The following MGST2 variants were observed in gnomAD, a reference collection of about 807,000 sequenced individuals.
The protein encoded by MGST2 is microsomal glutathione S-transferase 2.
In MGST2, 9 loss-of-function variants were observed where a neutral mutation model predicts 16.6. The observed-to-expected ratio is 0.54, with a 90% CI of 0.33 to 0.95. The LOEUF is 0.95. MGST2 is among the 40% of genes least tolerant of loss of function. The pLI, the probability that MGST2 is intolerant of heterozygous loss-of-function variation, is 0.03. For synonymous variants in MGST2, 79 were observed against 68.0 expected, an observed-to-expected ratio of 1.16 and a Z score of -0.79; for missense variants, 159 against 175.1, an observed-to-expected ratio of 0.91 and a Z score of 0.52.
chr4:139,749,928 T>C, the MGST2 span, among the ~76,000 whole-genome samples: 1 of 144,250 alleles, frequency 6.9e-6, no homozygotes, highest in Non-Finnish European at 1.5e-5. Context: ...TTCATGTTAT[T>C]TGAAATCAAC....
At chr4:139,744,427 T>C (rs1356098001), downstream of MGST2, among the ~76,000 whole-genome samples, 1 of 151,960 alleles carries the variant, frequency 6.6e-6, no homozygotes, top group Non-Finnish European at 1.5e-5. Flanking sequence ...GGAGCATGGG[T>C]TGTGGTTATA....
intron 5 of MGST2, among the ~76,000 whole-genome samples, chr4:139,732,630 CTT>C (rs1385171966): frequency 3.0e-4 from 45 of 149,006 alleles, no homozygotes; most frequent in African/African-American, 1.1e-3. Context: ...AAAAATGTAA[CTT>C]AAAATTAAAA....
the MGST2 span, among the ~76,000 whole-genome samples, chr4:139,750,450 A>G: frequency 7.2e-5 from 11 of 152,212 alleles, no homozygotes; most frequent in Non-Finnish European, 1.3e-4. Context: ...GGACTCTAGA[A>G]ATGGCCTTTG....
intron 5 of MGST2, among the ~76,000 whole-genome samples, chr4:139,709,276 G>T (rs1045460656): frequency 4.6e-5 from 7 of 151,714 alleles, no homozygotes; most frequent in African/African-American, 1.7e-4. Context: ...GTAGAGACTG[G>T]GTTTCACCGT....
chr4:139,704,359 TAG>T (rs1254817723), downstream of MGST2: 1 of 590,598 alleles, frequency 1.7e-6, no homozygotes, highest in African/African-American at 1.9e-5. Context: ...TGTTGTGCCC[TAG>T]TTTTAGAAAT....
chr4:139,711,483 G>A (rs1727739821), intron 5 of MGST2, among the ~76,000 whole-genome samples: 1 of 152,156 alleles, frequency 6.6e-6, no homozygotes, highest in Non-Finnish European at 1.5e-5. Flanking sequence ...GATTATTCAT[G>A]TCTCTCCTTT....
chr4:139,744,481 A>G (rs1025009563), downstream of MGST2, among the ~76,000 whole-genome samples: 4 of 152,244 alleles, frequency 2.6e-5, no homozygotes, highest in Non-Finnish European at 5.9e-5. Context: ...TGCATGGCTA[A>G]CATGCAAATA....
intron 5 of MGST2, among the ~76,000 whole-genome samples, chr4:139,726,582 GGATGC>G (rs1436765184): frequency 6.6e-6 from 1 of 151,056 alleles, no homozygotes; most frequent in Non-Finnish European, 1.5e-5. Flanking sequence ...TGACCTAAGT[GGATGC>G]TTTGGGCATA....
intron 1 of MGST2, among the ~76,000 whole-genome samples, chr4:139,675,530 G>T (rs1365554255): frequency 6.6e-6 from 1 of 152,234 alleles, no homozygotes; most frequent in Non-Finnish European, 1.5e-5. Context: ...CGGCAGGTAG[G>T]AGCCATCATC....
downstream of MGST2, among the ~76,000 whole-genome samples, chr4:139,706,217 C>T (rs1010129094): frequency 6.6e-6 from 1 of 152,084 alleles, no homozygotes; most frequent in Non-Finnish European, 1.5e-5. Context: ...GGAGTGGGCA[C>T]ATTTGCATAC....
At chr4:139,702,672 C>A (rs909729606) in intron 3 of MGST2, among the ~76,000 whole-genome samples, 2 of 151,832 alleles carry the variant, frequency 1.3e-5, no homozygotes, top group African/African-American at 4.8e-5. Flanking sequence ...CACATGCTTT[C>A]ATTTCTCTTG....
At chr4:139,701,485 ACCT>A (rs903326800) in intron 3 of MGST2, among the ~76,000 whole-genome samples, 1 of 151,612 alleles carries the variant, frequency 6.6e-6, no homozygotes, top group Non-Finnish European at 1.5e-5. Context: ...CATTTTGGCA[ACCT>A]CCTCCAGTTC....
intron 1 of MGST2, among the ~76,000 whole-genome samples, chr4:139,669,187 C>T (rs1167263675): frequency 6.6e-6 from 1 of 152,066 alleles, no homozygotes; most frequent in Non-Finnish European, 1.5e-5. Context: ...ATGCCCTTGG[C>T]TGAGAGGAGG....
intron 1 of MGST2, among the ~76,000 whole-genome samples, chr4:139,676,615 T>C (rs1730971099): frequency 6.6e-6 from 1 of 152,170 alleles, no homozygotes; most frequent in Non-Finnish European, 1.5e-5. Context: ...TCCAAGTCAA[T>C]TGATTTCAAT....
rs141729446 is a variant in MGST2 at position 139,670,286 on chromosome 4, A to G, written c.58+4209A>G. On this transcript the variant is annotated intron_variant, in intron 1 of 4. Transcript: ENST00000265498. ...GGGGGGGGCGGTTAACAGAAATACCAAACTCTGTGAAATCTTTTAAAGAGG... is the reference window on the plus strand; with the variant it reads ...GGGGGGGGCGGTTAACAGAAATACCGAACTCTGTGAAATCTTTTAAAGAGG... Among the ~76,000 whole-genome samples the G allele has an allele frequency of 3.7e-4, 56 of 151,778 alleles. No individual in the cohort carries two copies. In the East Asian group the frequency reaches 0.011, roughly 29 times the overall value.
chr4:139,703,974 C>G, intron 4 of MGST2, 42 bp from the exon 5 acceptor site: 6 of 1,612,744 alleles, frequency 3.7e-6, no homozygotes, highest in Non-Finnish European at 5.1e-6. Flanking sequence ...TTCCTTATTA[C>G]AGTCCAGTTT....
chr4:139,726,329 C>G (rs1266943502), intron 5 of MGST2, among the ~76,000 whole-genome samples: 1 of 152,100 alleles, frequency 6.6e-6, no homozygotes, highest in Non-Finnish European at 1.5e-5. Flanking sequence ...ATTTATTTAC[C>G]CATTCTACTA....
At chr4:139,695,092 T>G (rs1726839823) in intron 2 of MGST2, 105 bp from the exon 3 acceptor site, 1 of 781,770 alleles carries the variant, frequency 1.3e-6, no homozygotes, top group South Asian at 1.5e-5. Flanking sequence ...TGTAAGTTCT[T>G]ATATTTTGTT....
chr4:139,727,155 T>C (rs1728506572), intron 5 of MGST2, among the ~76,000 whole-genome samples: 1 of 152,218 alleles, frequency 6.6e-6, no homozygotes. Flanking sequence ...CTTTTCTTTT[T>C]CTCTTTCTCT....
Sources: gnomAD v4.1 joint callset for allele counts (sites outside exome capture counted in the v4.1 genomes callset) on GRCh38, gnomAD v4.1.1 for gene constraint, MANE v1.5 for transcripts, NCBI Gene and HGNC (gene_info 2026-07-23, HGNC 2026-07-21) for gene names.